PPP6R2: variants seen among roughly 807,000 people sequenced by gnomAD.
PPP6R2 encodes the protein serine/threonine-protein phosphatase 6 regulatory subunit 2.
In PPP6R2, 62 loss-of-function variants were observed where a neutral mutation model predicts 100.2. That is an observed-to-expected ratio of 0.62 (90% CI 0.50 to 0.76). The LOEUF (loss-of-function observed/expected upper bound fraction) is 0.76, where lower values mean the gene tolerates loss of function less well. Ranked by LOEUF, PPP6R2 falls within the 30% of genes least tolerant of loss-of-function variation. PPP6R2 has a pLI of 0.00. For synonymous variants in PPP6R2, 525 were observed against 514.7 expected (o/e 1.02, Z -0.27); for missense variants, 1,142 against 1,276.3 (o/e 0.89, Z 1.60).
upstream of PPP6R2, among the ~76,000 whole-genome samples, chr22:50,339,493 GGTGTGTGTT>G (rs1230298672): frequency 8.8e-5 from 10 of 113,648 alleles, no homozygotes; most frequent in Non-Finnish European, 1.5e-4. Context: ...GTGTGTATAG[GGTGTGTGTT>G]GTGTGTGTGG....
intron 16 of PPP6R2, 68 bp from the exon 17 acceptor site, chr22:50,437,775 G>C: frequency 6.6e-7 from 1 of 1,515,246 alleles, no homozygotes; most frequent in Admixed American, 2.0e-5. Context: ...ACCGGGGGAG[G>C]AGCACTGAGG....
intron 3 of PPP6R2, among the ~76,000 whole-genome samples, chr22:50,394,439 T>G (rs933285178): frequency 6.6e-6 from 1 of 151,504 alleles, no homozygotes; most frequent in South Asian, 2.1e-4. Context: ...TATTAAATTT[T>G]TTTTTTTAAA....
intron 3 of PPP6R2, among the ~76,000 whole-genome samples, chr22:50,400,154 A>G (rs1332319425): frequency 6.6e-6 from 1 of 152,172 alleles, no homozygotes; most frequent in African/African-American, 2.4e-5. Context: ...CCGCAGAGAG[A>G]CTTGCTGCAC....
chr22:50,338,551 GTGGTATGTAGTGTGT>G, upstream of PPP6R2, among the ~76,000 whole-genome samples: 1 of 127,216 alleles, frequency 7.9e-6, no homozygotes, highest in Non-Finnish European at 1.6e-5. Context: ...TGTGGTGTGT[GTGGTATGTAGTGTGT>G]GTGTTTGGTG....
Position 50,406,750 on chromosome 22 carries a change from G to T in PPP6R2, c.289G>T (p.Gly97Cys). ...TGTGCCGCAGATCAGCGACCGCCTC[G>T]GTGGGGACGAGAGCCTGCTGAGCCT... ...CDVPQISDRL[G>C]GDESLLSLLY... The change falls in exon 4 of 24, where the codon GGT becomes TGT. Residue 97 changes from glycine (G) to cysteine (C), a missense_variant. Around this residue, in one of 2 missense-constraint regions of PPP6R2, gnomAD observed 592 missense variants for 758.9 expected, o/e 0.78. Coordinates refer to ENST00000612753, the MANE Select transcript of PPP6R2 (RefSeq NM_001242898.2). 8 of 1,614,078 alleles carry T rather than the reference G, an allele frequency of 5.0e-6. No homozygotes were observed. The highest frequency in any genetic ancestry group is 6.8e-6 in the Non-Finnish European group (8 of 1,179,990).
At chr22:50,377,252 A>G (rs2051806270) in intron 2 of PPP6R2, among the ~76,000 whole-genome samples, 1 of 151,790 alleles carries the variant, frequency 6.6e-6, no homozygotes, top group Non-Finnish European at 1.5e-5. Flanking sequence ...CCAGAAGTTC[A>G]AGACCAGCCT....
At chr22:50,437,655 G>A (rs750710585) in intron 16 of PPP6R2, 52 bp downstream of exon 16, 5 of 1,476,830 alleles carry the variant, frequency 3.4e-6, no homozygotes, top group Non-Finnish European at 4.7e-6. Flanking sequence ...CCCTGCTGCT[G>A]AGCTCCCGTG....
At chr22:50,332,472 C>T in the PPP6R2 span, among the ~76,000 whole-genome samples, 5 of 150,744 alleles carry the variant, frequency 3.3e-5, no homozygotes, top group Non-Finnish European at 7.4e-5. Context: ...CCTCGTGATC[C>T]GCCTGTCTCA....
intron 22 of PPP6R2, among the ~76,000 whole-genome samples, chr22:50,442,598 G>A (rs1218754064): frequency 1.3e-5 from 2 of 152,140 alleles, no homozygotes; most frequent in Non-Finnish European, 2.9e-5. Flanking sequence ...TGCCCAGGCT[G>A]GAGTGCAGTG....
At chr22:50,332,389 C>G in the PPP6R2 span, among the ~76,000 whole-genome samples, 188 of 151,994 alleles carry the variant, frequency 1.2e-3, 1 homozygote, top group Admixed American at 3.4e-3. Flanking sequence ...CACCACCACA[C>G]CTGGTTAATT....
intron 7 of PPP6R2, among the ~76,000 whole-genome samples, 166 bp from the exon 8 acceptor site, chr22:50,419,183 G>A (rs1302678316): frequency 6.6e-6 from 1 of 152,238 alleles, no homozygotes; most frequent in African/African-American, 2.4e-5. Flanking sequence ...GGTCTAGAGA[G>A]TGGGCCAGCA....
At chr22:50,339,159 A>G (rs1339127186), upstream of PPP6R2, among the ~76,000 whole-genome samples, 137 of 80,178 alleles carry the variant, frequency 1.7e-3, no homozygotes, top group Middle Eastern at 0.013. Context: ...TGTGTGTGGT[A>G]TGTGGTGTGT....
chr22:50,355,375 A>G (rs1412843182), intron 1 of PPP6R2, among the ~76,000 whole-genome samples: 2 of 145,488 alleles, frequency 1.4e-5, no homozygotes, highest in African/African-American at 2.6e-5. Context: ...AGTAGCTGGG[A>G]CTGCAGGTAC....
chr22:50,403,588 C>T (rs915763743), intron 3 of PPP6R2, among the ~76,000 whole-genome samples: 2 of 152,182 alleles, frequency 1.3e-5, no homozygotes, highest in Non-Finnish European at 1.5e-5. Context: ...TGAGCTTGGG[C>T]CTGCCCCAGC....
At chr22:50,352,211 G>A (rs958508861) in intron 1 of PPP6R2, among the ~76,000 whole-genome samples, 3 of 152,174 alleles carry the variant, frequency 2.0e-5, no homozygotes, top group Admixed American at 2.0e-4. Flanking sequence ...AAAGTGCTGG[G>A]ATTACAGGCA....
chr22:50,417,404 C>A (rs1383973190), intron 6 of PPP6R2, among the ~76,000 whole-genome samples: 1 of 152,054 alleles, frequency 6.6e-6, no homozygotes, highest in Non-Finnish European at 1.5e-5. Context: ...TGCTAGGGGC[C>A]CCCTAGGAGC....
chr22:50,430,480 T>C (rs2062924620), intron 10 of PPP6R2, among the ~76,000 whole-genome samples: 1 of 152,124 alleles, frequency 6.6e-6, no homozygotes, highest in Non-Finnish European at 1.5e-5. Flanking sequence ...CTTAGCAAAA[T>C]GTGTAGAATG....
At chr22:50,394,234 AGAAGC>A in intron 3 of PPP6R2, 99 bp downstream of exon 3, 1 of 1,492,526 alleles carries the variant, frequency 6.7e-7, no homozygotes, top group African/African-American at 1.4e-5. Flanking sequence ...TTTCTGATGA[AGAAGC>A]GAGCCGTAAA....
At chr22:50,346,496 CCAGT>C (rs1427270307) in intron 1 of PPP6R2, among the ~76,000 whole-genome samples, 4 of 127,088 alleles carry the variant, frequency 3.1e-5, no homozygotes, top group African/African-American at 6.2e-5. Flanking sequence ...CAGTTCCCTC[CCAGT>C]CAGTCAGTGC....
Sources: allele counts gnomAD v4.1 joint callset (sites outside exome capture counted in the v4.1 genomes callset), GRCh38; gene constraint gnomAD v4.1.1; regional missense constraint gnomAD v4.1.1; transcripts MANE v1.5; gene names NCBI Gene and HGNC (gene_info 2026-07-23, HGNC 2026-07-21).